Variants in STIL observed in about 807,000 individuals in gnomAD.
The protein encoded by STIL is STIL centriolar assembly protein, also known as SCL-interrupting locus protein.
STIL carries 55 observed loss-of-function variants against 110.1 expected under a neutral mutation model. The observed-to-expected ratio is 0.50, with a 90% confidence interval of 0.40 to 0.63. The LOEUF (loss-of-function observed/expected upper bound fraction) is 0.63, where lower values mean the gene tolerates loss of function less well. STIL is among the 20% of genes least tolerant of loss of function. The pLI, the probability that STIL is intolerant of heterozygous loss-of-function variation, is 0.00. For missense variants in STIL, 1,358 were observed against 1,530.0 expected (o/e 0.89, Z 1.87); for synonymous variants, 481 against 530.0 (o/e 0.91, Z 1.27).
intron 2 of STIL, among the ~76,000 whole-genome samples, chr1:47,307,975 T>C (rs562912820): frequency 7.1e-4 from 108 of 152,300 alleles, no homozygotes; most frequent in Non-Finnish European, 1.4e-3. Context: ...ACCTAATAAA[T>C]TGTAGTCAGA....
chr1:47,268,457 T>A (rs1644718097), intron 14 of STIL, among the ~76,000 whole-genome samples: 1 of 147,864 alleles, frequency 6.8e-6, no homozygotes, highest in Non-Finnish European at 1.5e-5. Context: ...AAAAAATAAA[T>A]ACATAAAATA....
intron 14 of STIL, 143 bp downstream of exon 14, chr1:47,269,487 TGATAG>T (rs1368528579): frequency 1.6e-6 from 1 of 644,608 alleles, no homozygotes; most frequent in Non-Finnish European, 2.7e-6. Flanking sequence ...GTATGTGAAG[TGATAG>T]ATTTGTTGGT....
chr1:47,307,211 C>T (rs1388570158), intron 2 of STIL, among the ~76,000 whole-genome samples: 2 of 152,108 alleles, frequency 1.3e-5, no homozygotes, highest in Non-Finnish European at 2.9e-5. Flanking sequence ...ATCCCAGTTA[C>T]TCAGGAGGCT....
intron 7 of STIL, among the ~76,000 whole-genome samples, chr1:47,295,383 G>A (rs1010234265): frequency 9.6e-4 from 146 of 151,918 alleles, no homozygotes; most frequent in African/African-American, 3.3e-3. Context: ...GGTTCGAGAC[G>A]AGCCTGGCCA....
At chr1:47,284,026 G>C (rs990467290) in intron 10 of STIL, 1 of 152,134 alleles carries the variant, frequency 6.6e-6, no homozygotes, top group South Asian at 2.1e-4. Flanking sequence ...AGCGTCCGAG[G>C]AGCTCAGACT....
chr1:47,308,773 G>C (rs879896253), intron 2 of STIL, among the ~76,000 whole-genome samples: 2 of 152,042 alleles, frequency 1.3e-5, no homozygotes, highest in Non-Finnish European at 2.9e-5. Flanking sequence ...AAATAATTAG[G>C]CTGGGCACAG....
intron 12 of STIL, among the ~76,000 whole-genome samples, chr1:47,279,006 T>G (rs1645069296): frequency 6.6e-6 from 1 of 151,994 alleles, no homozygotes; most frequent in Admixed American, 6.6e-5. Context: ...TTTTAAAAAA[T>G]CATATGTATG....
At chr1:47,307,498 T>A (rs1043352906) in intron 2 of STIL, among the ~76,000 whole-genome samples, 1 of 152,190 alleles carries the variant, frequency 6.6e-6, no homozygotes, top group African/African-American at 2.4e-5. Context: ...CACTTATCAC[T>A]TCCCCAATCA....
At chr1:47,304,174 T>C (rs1170697653) in intron 3 of STIL, among the ~76,000 whole-genome samples, 4 of 151,844 alleles carry the variant, frequency 2.6e-5, no homozygotes, top group Admixed American at 1.3e-4. Context: ...TTTTGTTTTT[T>C]TTTTTACTTT....
At chr1:47,298,419 G>C (rs1645703311) in intron 6 of STIL, among the ~76,000 whole-genome samples, 1 of 152,166 alleles carries the variant, frequency 6.6e-6, no homozygotes, top group Non-Finnish European at 1.5e-5. Context: ...ATTAAGAGTG[G>C]AGATAGGAAG....
At chr1:47,303,302 T>C (rs997370408) in intron 3 of STIL, among the ~76,000 whole-genome samples, 1 of 152,198 alleles carries the variant, frequency 6.6e-6, no homozygotes, top group Admixed American at 6.5e-5. Context: ...TGGTGGCACA[T>C]GCCTGTAATC....
chr1:47,295,914 T>A lies in STIL; in HGVS notation c.702-66A>T, dbSNP rs979410329. The A allele has an allele frequency of 1.9e-5, 22 of 1,182,140 alleles. No homozygotes were observed. In the African/African-American group the frequency reaches 2.7e-4, roughly 15 times the overall value. 73.2% of individuals were successfully genotyped at this position (1,182,140 alleles called of 1,614,324 possible). ...TACTTTTTACCTAAAAGACATAATC[T>A]AAATGCTGAAGCATACTTTAGAAAG... On this transcript the variant is annotated intron_variant, in intron 6 of 16. Transcript: ENST00000371877.
At chr1:47,293,191 T>A (rs1397610622) in intron 8 of STIL, among the ~76,000 whole-genome samples, 3 of 152,188 alleles carry the variant, frequency 2.0e-5, no homozygotes, top group Admixed American at 6.6e-5. Context: ...CAGTAGACAA[T>A]CTCCACAGTT....
chr1:47,304,285 C>T (rs2149222786), intron 3 of STIL, among the ~76,000 whole-genome samples: 1 of 151,926 alleles, frequency 6.6e-6, no homozygotes, highest in South Asian at 2.1e-4. Context: ...TCCCAAAGTG[C>T]TGGGGTTACA....
intron 10 of STIL, among the ~76,000 whole-genome samples, chr1:47,286,278 G>A (rs113047377): frequency 0.072 from 10,916 of 151,474 alleles, 1,309 homozygotes; most frequent in African/African-American, 0.25. Flanking sequence ...ACTAGTTACC[G>A]TTTGATTTAA....
At chr1:47,291,189 G>A (rs1445800752) in intron 8 of STIL, among the ~76,000 whole-genome samples, 1 of 152,010 alleles carries the variant, frequency 6.6e-6, no homozygotes, top group East Asian at 1.9e-4. Context: ...GAGAAACCCT[G>A]TCTCTACTGA....
chr1:47,264,748 G>A (rs1264977292), intron 14 of STIL, among the ~76,000 whole-genome samples: 1 of 152,110 alleles, frequency 6.6e-6, no homozygotes, highest in African/African-American at 2.4e-5. Context: ...TCCCAGAGAA[G>A]CACCAAAACC....
Position 47,271,838 on chromosome 1 carries a change from C to A in STIL, c.2383+238G>T, listed in dbSNP as rs542560125. ...AAAAAAACAAAAAACAAAAAAAAAA[C>A]CAGAATTGGGTCCAGCCTAGAAAAG... On this transcript the variant is annotated intron_variant, in intron 13 of 16. Coordinates refer to ENST00000371877, the MANE Select transcript of STIL (RefSeq NM_001048166.1). 2.8e-3 allele frequency among the ~76,000 whole-genome samples: 416 copies of A among 150,690 alleles called. 1 individual carries two copies. The highest frequency in any genetic ancestry group is 9.1e-3 in the African/African-American group (374 of 41,138).
At chr1:47,287,338 C>T (rs911903615) in intron 10 of STIL, among the ~76,000 whole-genome samples, 3 of 151,982 alleles carry the variant, frequency 2.0e-5, no homozygotes, top group Admixed American at 2.0e-4. Context: ...ATACATCAAC[C>T]CAAATGAAAA....
Sources: allele counts gnomAD v4.1 joint callset (sites outside exome capture counted in the v4.1 genomes callset), GRCh38; gene constraint gnomAD v4.1.1; transcripts MANE v1.5; gene names NCBI Gene and HGNC (gene_info 2026-07-23, HGNC 2026-07-21).